OSBPL2: variants seen among roughly 807,000 people sequenced by gnomAD.
OSBPL2 encodes oxysterol-binding protein-related protein 2.
OSBPL2 carries 18 observed loss-of-function variants against 58.4 expected under a neutral mutation model. That is an observed-to-expected ratio of 0.31 (90% confidence interval 0.21 to 0.46). The LOEUF (loss-of-function observed/expected upper bound fraction) is 0.46, where lower values mean the gene tolerates loss of function less well. Among genes scored for constraint, OSBPL2 ranks in the 20% least tolerant of loss-of-function variants. The pLI is 1.00. For synonymous variants in OSBPL2, 221 were observed against 234.1 expected, an observed-to-expected ratio of 0.94 and a Z score of 0.51; for missense variants, 461 against 616.5, an observed-to-expected ratio of 0.75 and a Z score of 2.67.
intron 1 of OSBPL2, among the ~76,000 whole-genome samples, chr20:62,239,552 G>A (rs1220465743): frequency 7.2e-5 from 11 of 152,202 alleles, no homozygotes; most frequent in Admixed American, 5.2e-4. Flanking sequence ...GGCAGCTTTG[G>A]GATGACTGCC....
intron 11 of OSBPL2, 68 bp from the exon 12 acceptor site, chr20:62,289,139 G>A: frequency 2.5e-6 from 4 of 1,569,564 alleles, no homozygotes; most frequent in Non-Finnish European, 3.5e-6. Flanking sequence ...GGCCCACTGG[G>A]GGTCTTGGAG....
intron 1 of OSBPL2, among the ~76,000 whole-genome samples, chr20:62,250,196 C>T (rs568841139): frequency 6.6e-6 from 1 of 152,362 alleles, no homozygotes; most frequent in African/African-American, 2.4e-5. Context: ...TGAGTAGGAT[C>T]ATAGTTGTCT....
At chr20:62,259,434 C>T (rs1981148617) in intron 2 of OSBPL2, among the ~76,000 whole-genome samples, 1 of 152,192 alleles carries the variant, frequency 6.6e-6, no homozygotes, top group Non-Finnish European at 1.5e-5. Context: ...ATCCGGAGTC[C>T]ACTCTGAGTC....
intron 12 of OSBPL2, chr20:62,291,412 C>A (rs796090849): frequency 1.7e-5 from 7 of 423,374 alleles, no homozygotes; most frequent in African/African-American, 1.2e-4. Flanking sequence ...CTGGGCCCTG[C>A]CTGTCCTTCA....
At position 62,282,344 on chromosome 20, in the gene OSBPL2, A is replaced by G. The variant is rs766359828; in HGVS notation, c.872+465A>G. ...AGTCTTTAAATCAGGGACTTTCGCA[A>G]GTTTTTGTGAGCAGAGAAATGGTCA... On this transcript the variant is annotated intron_variant, in intron 9 of 13. Coordinates refer to ENST00000313733, the MANE Select transcript of OSBPL2 (RefSeq NM_144498.4). Among the ~76,000 whole-genome samples, 3 of 152,300 alleles carry G rather than the reference A, an allele frequency of 2.0e-5. 1 individual carries two copies. The South Asian group carries it at 6.2e-4, about 32-fold the overall frequency.
chr20:62,266,867 G>A lies in OSBPL2; in HGVS notation c.258+3176G>A, dbSNP rs553292847. 7.9e-5 allele frequency among the ~76,000 whole-genome samples: 12 copies of A among 152,306 alleles called. No homozygotes were observed. The South Asian group carries it at 2.3e-3, about 29-fold the overall frequency. ...ATGTTCAAATGTCCAGTGGTCTCACGTGTTGCCCTCTGGTGTTTGCAGTCC... is the reference window on the plus strand; with the variant it reads ...ATGTTCAAATGTCCAGTGGTCTCACATGTTGCCCTCTGGTGTTTGCAGTCC... On this transcript the variant is annotated intron_variant, in intron 4 of 13. Coordinates refer to ENST00000313733, the MANE Select transcript of OSBPL2 (RefSeq NM_144498.4).
chr20:62,282,608 C>T (rs931237811), intron 9 of OSBPL2, among the ~76,000 whole-genome samples: 6 of 152,216 alleles, frequency 3.9e-5, no homozygotes, highest in African/African-American at 1.2e-4. Context: ...GGGCAGATCA[C>T]CTGAGGTCAG....
chr20:62,292,882 A>ATTTTTTTT (rs35975453), intron 13 of OSBPL2, among the ~76,000 whole-genome samples: 3 of 141,038 alleles, frequency 2.1e-5, no homozygotes, highest in Non-Finnish European at 3.1e-5. Flanking sequence ...ACCTTTCCTC[A>ATTTTTTTT]TTTTTTTTTT....
intron 10 of OSBPL2, chr20:62,284,763 C>T (rs1219744255): frequency 1.3e-5 from 2 of 152,254 alleles, no homozygotes; most frequent in Non-Finnish European, 2.9e-5. Flanking sequence ...ATTGCTGGCC[C>T]CCATGGCTGG....
At chr20:62,240,432 C>T (rs1012555086) in intron 1 of OSBPL2, among the ~76,000 whole-genome samples, 2 of 152,176 alleles carry the variant, frequency 1.3e-5, no homozygotes, top group Admixed American at 6.5e-5. Flanking sequence ...AGGACTGTTA[C>T]GAGCATGTCG....
At chr20:62,275,184 G>A (rs2079327004) in intron 6 of OSBPL2, among the ~76,000 whole-genome samples, 1 of 152,142 alleles carries the variant, frequency 6.6e-6, no homozygotes, top group Non-Finnish European at 1.5e-5. Flanking sequence ...GGACTACAGA[G>A]CCAGACCGTG....
In OSBPL2 at chr20:62,292,717, C is replaced by T. The variant is rs189179590; in HGVS notation, c.1340+924C>T. On this transcript the variant is annotated intron_variant, in intron 13 of 13. Coordinates refer to ENST00000313733, the MANE Select transcript of OSBPL2 (RefSeq NM_144498.4). ...CTTGGTAGGATTCGTTCTCAAGGCC[C>T]AACAACAATGATACCCGGTGGCTTA... Among the ~76,000 whole-genome samples, 3 of 152,218 alleles carry T rather than the reference C, an allele frequency of 2.0e-5. No homozygotes were observed. In the East Asian group the frequency reaches 5.8e-4, roughly 29 times the overall value.
Position 62,256,127 on chromosome 20 carries a change from A to G in OSBPL2, c.-58A>G. On this transcript the variant is annotated 5_prime_UTR_variant, in exon 2 of 14. Coordinates refer to ENST00000313733, the MANE Select transcript of OSBPL2 (RefSeq NM_144498.4). ...TCCTTACACTGTAGATGTGGATCAG[A>G]TACGATGATTCAGTAGAAGAGCACA... The G allele has an allele frequency of 6.3e-7, 1 of 1,576,752 alleles. No individual in the cohort carries two copies. Among genetic ancestry groups the G allele is most frequent in the Non-Finnish European group, 8.7e-7 (1 of 1,147,200 alleles).
chr20:62,252,780 C>T (rs1402076406), intron 1 of OSBPL2, among the ~76,000 whole-genome samples: 1 of 152,250 alleles, frequency 6.6e-6, no homozygotes, highest in Non-Finnish European at 1.5e-5. Flanking sequence ...GGAGCTTTTA[C>T]TCGTGGTGGA....
rs113049905 is a variant in OSBPL2, at chr20:62,291,486, T to C, written c.1250-217T>C. 48,485 of 583,876 alleles carry C rather than the reference T, an allele frequency of 0.083. 3,055 individuals are homozygous for C. The highest frequency in any genetic ancestry group is 0.2 in the African/African-American group (10,823 of 53,952). The allele number at this position is 583,876 out of a possible 1,614,324, so 36.2% of individuals were successfully genotyped here. A position where few individuals can be genotyped will look rare whatever the true frequency, so the allele number is the denominator to read the frequency against. On this transcript the variant is annotated intron_variant, in intron 12 of 13. Transcript: ENST00000313733. ...GAACACGCAGCACATGCAGCCCCCA[T>C]GCTCTACTCAGCTCCGCTTGGGAAG...
At chr20:62,267,293 C>G (rs1221606276) in intron 4 of OSBPL2, among the ~76,000 whole-genome samples, 1 of 152,218 alleles carries the variant, frequency 6.6e-6, no homozygotes, top group East Asian at 1.9e-4. Flanking sequence ...TCCACTAACT[C>G]ACTGGGAGTT....
intron 1 of OSBPL2, among the ~76,000 whole-genome samples, chr20:62,255,567 G>A (rs1229898543): frequency 6.6e-6 from 1 of 152,184 alleles, no homozygotes; most frequent in Admixed American, 6.5e-5. Flanking sequence ...GCCGTGGCAC[G>A]ATCTCAGCTC....
intron 4 of OSBPL2, among the ~76,000 whole-genome samples, chr20:62,267,497 C>A (rs1184181807): frequency 3.9e-5 from 6 of 152,118 alleles, no homozygotes; most frequent in Non-Finnish European, 8.8e-5. Flanking sequence ...TCTACTTGTC[C>A]AGGGAGAGAA....
intron 7 of OSBPL2, chr20:62,279,910 GT>G (rs1190812500): frequency 7.8e-7 from 1 of 1,282,992 alleles, no homozygotes; most frequent in African/African-American, 1.5e-5. Flanking sequence ...TGTGGCAGGG[GT>G]GACTTAGGGT....
Sources: allele counts gnomAD v4.1 joint callset (sites outside exome capture counted in the v4.1 genomes callset), GRCh38; gene constraint gnomAD v4.1.1; transcripts MANE v1.5; gene names NCBI Gene and HGNC (gene_info 2026-07-23, HGNC 2026-07-21).